The following INPP5D variants were observed in gnomAD, a reference collection of about 807,000 sequenced individuals.
INPP5D encodes the protein inositol polyphosphate-5-phosphatase D.
In INPP5D, 33 loss-of-function variants were observed where a neutral mutation model predicts 122.9. The observed-to-expected ratio is 0.27, with a 90% CI of 0.20 to 0.36. INPP5D has a LOEUF of 0.36. Ranked by LOEUF, INPP5D falls within the 10% of genes least tolerant of loss-of-function variation. INPP5D has a pLI of 1.00. For missense variants in INPP5D, 1,053 were observed against 1,412.7 expected (o/e 0.75, Z 4.08); for synonymous variants, 584 against 576.2 (o/e 1.01, Z -0.19).
chr2:233,103,950 A>ACCTG (rs1377429955), intron 2 of INPP5D, among the ~76,000 whole-genome samples: 1 of 111,942 alleles, frequency 8.9e-6, no homozygotes, highest in Non-Finnish European at 1.8e-5. Context: ...CAAATGATCC[A>ACCTG]CCTGCCTCCG....
chr2:233,128,903 G>A lies in INPP5D; in HGVS notation c.525-1605G>A, dbSNP rs1693241579. On this transcript the variant is annotated intron_variant, in intron 4 of 26. Coordinates refer to ENST00000445964, the MANE Select transcript of INPP5D (RefSeq NM_001017915.3). This position sits in a 1 kb window ranked among gnomAD's most constrained non-coding sequence, Gnocchi z 4.5. ...TGGAATAAAAATCTTTAAGGCGGCT[G>A]GGCAGGGTGGTTCACACCTGTTATC... Among the ~76,000 whole-genome samples, 1 of 152,178 alleles carries A rather than the reference G, an allele frequency of 6.6e-6. No individual in the cohort carries two copies. Among genetic ancestry groups the A allele is most frequent in the Admixed American group, 6.5e-5 (1 of 15,278 alleles).
intron 1 of INPP5D, among the ~76,000 whole-genome samples, chr2:233,066,274 C>G (rs951692605): frequency 1.6e-4 from 24 of 152,338 alleles, no homozygotes; most frequent in Admixed American, 1.1e-3. Context: ...ACCTCTCAAT[C>G]AATTGGTGCC....
chr2:233,187,914 C>T (rs76413167), intron 21 of INPP5D, among the ~76,000 whole-genome samples: 11,797 of 152,096 alleles, frequency 0.078, 790 homozygotes, highest in East Asian at 0.32. Flanking sequence ...CATTCCACAA[C>T]ATGTTCACCC....
At chr2:233,176,237 T>C (rs1432497925) in intron 17 of INPP5D, among the ~76,000 whole-genome samples, 9 of 151,910 alleles carry the variant, frequency 5.9e-5, no homozygotes, top group Non-Finnish European at 5.9e-5. Context: ...TGTCATATAG[T>C]ATTAATAGAT....
At chr2:233,198,732 C>T (rs781285905) in intron 25 of INPP5D, among the ~76,000 whole-genome samples, 50 of 151,566 alleles carry the variant, frequency 3.3e-4, no homozygotes, top group Admixed American at 9.2e-4. Flanking sequence ...GGGTGGATCA[C>T]CTGAGATCGG....
At position 233,198,085 on chromosome 2, in the gene INPP5D, C is replaced by T; in HGVS notation, c.2694-10C>T. 1 of 1,568,290 alleles carries T rather than the reference C, an allele frequency of 6.4e-7. No homozygotes were observed. Among genetic ancestry groups the T allele is most frequent in the Non-Finnish European group, 8.7e-7 (1 of 1,155,818 alleles). On this transcript the variant is annotated splice_polypyrimidine_tract_variant and intron_variant, in intron 24 of 26. Transcript: ENST00000445964. ...GACCCCTGAGATGTGACTCCATGTC[C>T]TCCCTGCAGGGCCCCTCCGTGCAGT...
chr2:233,081,646 G>T (rs887162250), intron 2 of INPP5D, among the ~76,000 whole-genome samples: 1 of 152,162 alleles, frequency 6.6e-6, no homozygotes, highest in African/African-American at 2.4e-5. Flanking sequence ...TGGTGGTGGT[G>T]CAGGGAACAG....
intron 2 of INPP5D, among the ~76,000 whole-genome samples, chr2:233,107,002 T>C (rs944051920): frequency 6.6e-6 from 1 of 152,212 alleles, no homozygotes; most frequent in Non-Finnish European, 1.5e-5. Flanking sequence ...TGCTTGAATC[T>C]TCAAGGAAAG....
At chr2:233,162,931 G>T (rs561118159) in intron 11 of INPP5D, among the ~76,000 whole-genome samples, 23 of 152,272 alleles carry the variant, frequency 1.5e-4, no homozygotes, top group African/African-American at 5.5e-4. Context: ...CAAGGGCAGG[G>T]GTGCCCTTCC....
chr2:233,144,849 A>G (rs1693717761), intron 6 of INPP5D, among the ~76,000 whole-genome samples: 2 of 151,980 alleles, frequency 1.3e-5, no homozygotes, highest in African/African-American at 4.8e-5. Context: ...TGATCATGNC[A>G]GTGCCATTGA....
At position 233,116,741 on chromosome 2, in the gene INPP5D, C is replaced by T. The variant is rs565813625; in HGVS notation, c.199-5366C>T. ...CCTCCTGAGTAGCTGGGATTACAGGCGCCTGCCACTGCACCTGGCTAATTT... is the reference window on the plus strand; with the variant it reads ...CCTCCTGAGTAGCTGGGATTACAGGTGCCTGCCACTGCACCTGGCTAATTT... On this transcript the variant is annotated intron_variant, in intron 2 of 26. Coordinates refer to ENST00000445964, the MANE Select transcript of INPP5D (RefSeq NM_001017915.3). Among the ~76,000 whole-genome samples, 21 of 152,114 alleles carry T rather than the reference C, an allele frequency of 1.4e-4. No individual in the cohort carries two copies. In the East Asian group the frequency reaches 2.5e-3, roughly 18 times the overall value.
At chr2:233,179,263 C>T (rs932111537) in intron 18 of INPP5D, among the ~76,000 whole-genome samples, 7 of 152,210 alleles carry the variant, frequency 4.6e-5, no homozygotes, top group African/African-American at 4.8e-5. Context: ...TGCCACCCGT[C>T]GGACTCTCCA....
At chr2:233,186,054 G>A in intron 21 of INPP5D, 129 bp downstream of exon 21, 1 of 1,288,312 alleles carries the variant, frequency 7.8e-7, no homozygotes, top group Non-Finnish European at 1.0e-6. Context: ...AATGCAGAAA[G>A]AGACCCACTC....
chr2:233,127,163 C>T (rs751353973), intron 4 of INPP5D, among the ~76,000 whole-genome samples: 17 of 152,196 alleles, frequency 1.1e-4, no homozygotes, highest in Non-Finnish European at 2.2e-4. Context: ...GGCGTGAAGC[C>T]GAGCTTCCAG....
intron 2 of INPP5D, among the ~76,000 whole-genome samples, chr2:233,115,719 A>G (rs1039085100): frequency 5.3e-5 from 8 of 151,766 alleles, no homozygotes; most frequent in African/African-American, 1.9e-4. Flanking sequence ...TTCCCTCAAC[A>G]CCTTTCTTCA....
chr2:233,121,917 C>T (rs1427557009), intron 2 of INPP5D, among the ~76,000 whole-genome samples, 190 bp from the exon 3 acceptor site: 1 of 152,154 alleles, frequency 6.6e-6, no homozygotes, highest in Non-Finnish European at 1.5e-5. Context: ...CAGAAGGGCC[C>T]TTGGCAGCTG....
intron 20 of INPP5D, among the ~76,000 whole-genome samples, chr2:233,185,133 T>A (rs573960156): frequency 6.6e-6 from 1 of 151,880 alleles, no homozygotes; most frequent in Admixed American, 6.6e-5. Context: ...TGTCCAGCCG[T>A]CTTCGCTGAG....
chr2:233,116,645 G>T (rs913274535), intron 2 of INPP5D, among the ~76,000 whole-genome samples: 2 of 151,084 alleles, frequency 1.3e-5, no homozygotes, highest in African/African-American at 2.4e-5. Flanking sequence ...CGCCCAGGCT[G>T]GAGTGCAGTG....
chr2:233,180,348 A>G (rs1426600741), intron 18 of INPP5D, among the ~76,000 whole-genome samples: 1 of 151,588 alleles, frequency 6.6e-6, no homozygotes, highest in Non-Finnish European at 1.5e-5. Context: ...TATCTGAAAT[A>G]TTCTGAGAAT....
Sources: gnomAD v4.1 joint callset for allele counts (sites outside exome capture counted in the v4.1 genomes callset) on GRCh38, gnomAD v4.1.1 for gene constraint, Gnocchi (gnomAD v3.1) non-coding constraint, MANE v1.5 for transcripts, NCBI Gene and HGNC (gene_info 2026-07-23, HGNC 2026-07-21) for gene names.